Variants in SCARB1 observed in about 807,000 individuals in gnomAD.
SCARB1 encodes CD36 and LIMPII analogous 1.
SCARB1 carries 30 observed loss-of-function variants against 57.2 expected under a neutral mutation model. The ratio of observed to expected loss-of-function variants is 0.52; its 90% CI spans 0.39 to 0.71. The LOEUF is 0.71. Among genes scored for constraint, SCARB1 ranks in the 30% least tolerant of loss-of-function variants. SCARB1 has a pLI of 0.00. For synonymous variants in SCARB1, 249 were observed against 268.3 expected (o/e 0.93, Z 0.70); for missense variants, 543 against 671.2 (o/e 0.81, Z 2.11).
chr12:124,847,173 CAG>C (rs1952197561), intron 1 of SCARB1, among the ~76,000 whole-genome samples: 1 of 152,192 alleles, frequency 6.6e-6, no homozygotes, highest in Non-Finnish European at 1.5e-5. Context: ...TCACAAAAAA[CAG>C]AAATCCAAGA....
chr12:124,832,922 C>A (rs975774311), intron 1 of SCARB1, among the ~76,000 whole-genome samples: 4 of 151,820 alleles, frequency 2.6e-5, no homozygotes, highest in African/African-American at 7.3e-5. Context: ...GGGGAGAAGT[C>A]CAAACTGGGA....
At chr12:124,832,945 T>C (rs955358668) in intron 1 of SCARB1, among the ~76,000 whole-genome samples, 2 of 152,112 alleles carry the variant, frequency 1.3e-5, no homozygotes, top group African/African-American at 2.4e-5. Flanking sequence ...GCCCCTGAGA[T>C]GGGATGAAAG....
intron 1 of SCARB1, among the ~76,000 whole-genome samples, chr12:124,844,183 G>A (rs943627589): frequency 6.6e-6 from 1 of 152,082 alleles, no homozygotes; most frequent in Non-Finnish European, 1.5e-5. Flanking sequence ...TGAATTAGGG[G>A]GTCCAGGCAG....
chr12:124,799,195 C>T (rs1004751858), intron 8 of SCARB1, among the ~76,000 whole-genome samples: 12 of 152,140 alleles, frequency 7.9e-5, no homozygotes, highest in African/African-American at 2.2e-4. Context: ...TCATGTTGTA[C>T]ACTCAAAAAT....
At chr12:124,785,226 G>A (rs1949470102) in intron 11 of SCARB1, 1 of 152,590 alleles carries the variant, frequency 6.6e-6, no homozygotes, top group Non-Finnish European at 1.5e-5. Context: ...CTGACCTAGT[G>A]ATTCCCCTCT....
intron 5 of SCARB1, among the ~76,000 whole-genome samples, chr12:124,811,663 T>A (rs774251789): frequency 6.6e-6 from 1 of 151,872 alleles, no homozygotes; most frequent in Non-Finnish European, 1.5e-5. Flanking sequence ...CAGTAAGCAA[T>A]CACTAACCCC....
At chr12:124,830,960 A>C (rs1329172108) in intron 1 of SCARB1, among the ~76,000 whole-genome samples, 2 of 143,344 alleles carry the variant, frequency 1.4e-5, no homozygotes, top group Non-Finnish European at 1.5e-5. Context: ...CTACAGGCAT[A>C]CGCCACCATG....
In SCARB1 at chr12:124,858,707, G is replaced by A. The variant is rs545144858; in HGVS notation, c.126+4888C>T. Among the ~76,000 whole-genome samples the A allele has an allele frequency of 5.9e-5, 9 of 151,902 alleles. No homozygotes were observed. The South Asian group carries it at 6.2e-4, about 11-fold the overall frequency. On this transcript the variant is annotated intron_variant, in intron 1 of 12. Coordinates refer to ENST00000261693, the MANE Select transcript of SCARB1 (RefSeq NM_005505.5). ...ATCCTGGCTAAAACAGTGAAACCCC[G>A]TCTCCACTAAAAATACAAAAAACTA...
chr12:124,863,737 C>A lies in SCARB1; in HGVS notation c.-17G>T. ...GCAGCCCATGTCTGCGCGCCTGGGGCCCACCCGCGGCTCGCAGGGCTCCGC... is the reference window on the plus strand; with the variant it reads ...GCAGCCCATGTCTGCGCGCCTGGGGACCACCCGCGGCTCGCAGGGCTCCGC... On this transcript the variant is annotated 5_prime_UTR_variant, in exon 1 of 13. Coordinates refer to ENST00000261693, the MANE Select transcript of SCARB1 (RefSeq NM_005505.5). 1.4e-6 allele frequency: 2 copies of A among 1,448,270 alleles called. No individual in the cohort carries two copies. Among genetic ancestry groups the A allele is most frequent in the South Asian group, 2.8e-5 (2 of 70,878 alleles). 89.7% of individuals were successfully genotyped at this position (1,448,270 alleles called of 1,614,324 possible).
Position 124,807,736 on chromosome 12 carries a change from T to TCC in SCARB1, c.1009+23_1009+24dup. On this transcript the variant is annotated intron_variant, in intron 7 of 12. Transcript: ENST00000261693. This position sits in a 1 kb window ranked among gnomAD's most constrained non-coding sequence, Gnocchi z 5.3. ...GCCCCACCCTCACACCCTCCCGCCATCCCAGCACAGGGGACGGCACGTACT... is the reference window on the plus strand; with the variant it reads ...GCCCCACCCTCACACCCTCCCGCCATCCCCCAGCACAGGGGACGGCACGTACT... 1.9e-6 allele frequency: 3 copies of TCC among 1,613,256 alleles called. No individual in the cohort carries two copies. The highest frequency in any genetic ancestry group is 2.5e-6 in the Non-Finnish European group (3 of 1,179,506).
In SCARB1 at chr12:124,800,859, T is replaced by A. The variant is rs1204619067; in HGVS notation, c.1010-617A>T. Among the ~76,000 whole-genome samples the A allele has an allele frequency of 6.6e-6, 1 of 152,042 alleles. No individual in the cohort carries two copies. The highest frequency in any genetic ancestry group is 2.4e-5 in the African/African-American group (1 of 41,374). ...AAACACCAGCTCACCCTCGGGACAA[T>A]GGACAACAGGCCTGAAGGACAAGTT... On this transcript the variant is annotated intron_variant, in intron 7 of 12. Coordinates refer to ENST00000261693, the MANE Select transcript of SCARB1 (RefSeq NM_005505.5). The surrounding 1 kb of genome is among the most constrained non-coding windows in gnomAD (Gnocchi z 4.8).
chr12:124,827,086 T>C (rs1951189036), intron 1 of SCARB1, among the ~76,000 whole-genome samples: 1 of 152,204 alleles, frequency 6.6e-6, no homozygotes, highest in Non-Finnish European at 1.5e-5. Flanking sequence ...CTGTGTTCTC[T>C]CTGGCCCCAC....
chr12:124,799,421 G>A (rs1414325905), intron 8 of SCARB1, among the ~76,000 whole-genome samples: 1 of 152,058 alleles, frequency 6.6e-6, no homozygotes, highest in African/African-American at 2.4e-5. Context: ...GCTACTTAGG[G>A]AGGCTGAGGT....
intron 2 of SCARB1, among the ~76,000 whole-genome samples, chr12:124,815,916 T>A (rs1950696171): frequency 6.6e-6 from 1 of 151,402 alleles, no homozygotes; most frequent in African/African-American, 2.4e-5. Context: ...CAACCCCACT[T>A]TGCATGCAGG....
rs575067219 is a variant in SCARB1, at chr12:124,791,759, C to G, written c.1202+3436G>C. On this transcript the variant is annotated intron_variant, in intron 9 of 12. Transcript: ENST00000261693. ...TCACCTGAGGTCAGGAGTTTGAGAC[C>G]AGCCTGGCCAACACAGTGAAACCCC... is the stretch of plus-strand genomic sequence containing the variant. Among the ~76,000 whole-genome samples, 43 of 151,946 alleles carry G rather than the reference C, an allele frequency of 2.8e-4. 2 individuals are homozygous for G. The South Asian group carries it at 8.7e-3, about 31-fold the overall frequency.
intron 1 of SCARB1, among the ~76,000 whole-genome samples, chr12:124,825,590 G>A (rs1346700808): frequency 6.6e-6 from 1 of 152,052 alleles, no homozygotes; most frequent in Non-Finnish European, 1.5e-5. Flanking sequence ...AGAATCGCTT[G>A]AGCCCAGGAG....
intron 2 of SCARB1, among the ~76,000 whole-genome samples, chr12:124,816,010 C>A (rs1950699671): frequency 6.6e-6 from 1 of 151,446 alleles, no homozygotes; most frequent in Admixed American, 6.5e-5. Context: ...CCCTCGTAAC[C>A]CCAGCCGCAC....
At chr12:124,818,846 A>C (rs1950836766) in intron 1 of SCARB1, among the ~76,000 whole-genome samples, 1 of 152,028 alleles carries the variant, frequency 6.6e-6, no homozygotes, top group African/African-American at 2.4e-5. Context: ...GTTTTAGTAG[A>C]AGTGGGGTTT....
At chr12:124,801,214 T>C (rs1163835693) in intron 7 of SCARB1, among the ~76,000 whole-genome samples, 1 of 151,876 alleles carries the variant, frequency 6.6e-6, no homozygotes, top group Non-Finnish European at 1.5e-5. Context: ...AAAAACAATT[T>C]TTTTTTAAAA....
Sources: gnomAD v4.1 joint callset for allele counts (sites outside exome capture counted in the v4.1 genomes callset) on GRCh38, gnomAD v4.1.1 for gene constraint, Gnocchi (gnomAD v3.1) non-coding constraint, MANE v1.5 for transcripts, NCBI Gene and HGNC (gene_info 2026-07-23, HGNC 2026-07-21) for gene names.